The following SPTLC3 variants were observed in gnomAD, a reference collection of about 807,000 sequenced individuals.
SPTLC3 encodes serine palmitoyltransferase long chain base subunit 3.
Under a neutral mutation model 59.3 loss-of-function variants are expected in SPTLC3, and 36 were observed. The observed-to-expected ratio is 0.61, with a 90% CI of 0.47 to 0.80. The LOEUF is 0.80. SPTLC3 is among the 30% of genes least tolerant of loss of function. SPTLC3 has a pLI of 0.00. For synonymous variants in SPTLC3, 257 were observed against 240.8 expected, an observed-to-expected ratio of 1.07 and a Z score of -0.62; for missense variants, 625 against 685.1, an observed-to-expected ratio of 0.91 and a Z score of 0.98.
At chr20:13,135,253 G>A (rs1239490268) in intron 9 of SPTLC3, among the ~76,000 whole-genome samples, 3 of 152,182 alleles carry the variant, frequency 2.0e-5, no homozygotes, top group African/African-American at 4.8e-5. Context: ...GGGCAACACT[G>A]CTAGGTGTTG....
chr20:13,082,221 A>G (rs1271874444), intron 4 of SPTLC3, among the ~76,000 whole-genome samples: 1 of 152,200 alleles, frequency 6.6e-6, no homozygotes, highest in Non-Finnish European at 1.5e-5. Flanking sequence ...ATCTTCCCAC[A>G]TAAATACCAT....
At chr20:13,088,718 A>C (rs1233333374) in intron 4 of SPTLC3, among the ~76,000 whole-genome samples, 1 of 151,154 alleles carries the variant, frequency 6.6e-6, no homozygotes, top group Non-Finnish European at 1.5e-5. Context: ...TCCCAAGTTC[A>C]AGCAATTCTC....
chr20:13,147,653 T>C (rs1184422526), intron 9 of SPTLC3, among the ~76,000 whole-genome samples: 1 of 152,202 alleles, frequency 6.6e-6, no homozygotes, highest in Admixed American at 6.5e-5. Flanking sequence ...GGGTTAATTT[T>C]TCAGAAATAT....
At chr20:13,149,958 C>T (rs1366628980) in intron 9 of SPTLC3, among the ~76,000 whole-genome samples, 1 of 152,174 alleles carries the variant, frequency 6.6e-6, no homozygotes, top group Non-Finnish European at 1.5e-5. Context: ...CAAGGGGGAA[C>T]ATGTAGGAAT....
intron 1 of SPTLC3, among the ~76,000 whole-genome samples, chr20:13,046,577 G>A (rs1987242269): frequency 6.6e-6 from 1 of 152,202 alleles, no homozygotes; most frequent in African/African-American, 2.4e-5. Flanking sequence ...TCCCTGTGAT[G>A]CAGAAGGATG....
chr20:13,148,634 C>T (rs1249980346), intron 9 of SPTLC3, among the ~76,000 whole-genome samples: 1 of 152,210 alleles, frequency 6.6e-6, no homozygotes, highest in Non-Finnish European at 1.5e-5. Flanking sequence ...AGGCTGCAAT[C>T]AGATACCCAG....
At chr20:13,153,273 G>T (rs1246445284) in intron 9 of SPTLC3, among the ~76,000 whole-genome samples, 3 of 152,174 alleles carry the variant, frequency 2.0e-5, no homozygotes, top group African/African-American at 7.2e-5. Context: ...CGTGAACTCT[G>T]CACTGGGACA....
In SPTLC3 at chr20:13,072,254, A is replaced by G; in HGVS notation, c.304-2A>G. ...GATAACCTTCTACCTCTGTTCTAAC[A>G]GGATTTTGTGCCACTGTATCAAGAC... On this transcript the variant is annotated splice_acceptor_variant, in intron 2 of 11. Coordinates refer to ENST00000399002, the MANE Select transcript of SPTLC3 (RefSeq NM_018327.4). LOFTEE classifies it high-confidence loss of function. The G allele has an allele frequency of 6.2e-7, 1 of 1,610,230 alleles. No homozygotes were observed. The highest frequency in any genetic ancestry group is 1.1e-5 in the South Asian group (1 of 90,134).
chr20:13,096,973 T>C (rs1297591606), intron 6 of SPTLC3, among the ~76,000 whole-genome samples: 1 of 152,096 alleles, frequency 6.6e-6, no homozygotes, highest in Non-Finnish European at 1.5e-5. Flanking sequence ...AGGATAATTA[T>C]GATACACAAA....
chr20:13,132,476 G>A (rs1037585024), intron 9 of SPTLC3, among the ~76,000 whole-genome samples: 8 of 151,976 alleles, frequency 5.3e-5, no homozygotes, highest in South Asian at 2.1e-4. Context: ...GCACCCAGCC[G>A]CTTTAATCTT....
intron 2 of SPTLC3, chr20:13,049,677 C>T (rs564102411): frequency 6.3e-6 from 1 of 158,830 alleles, no homozygotes; most frequent in Middle Eastern, 3.2e-3. Flanking sequence ...ACCACTAAAG[C>T]TAAGGACCCT....
intron 10 of SPTLC3, 37 bp from the exon 11 acceptor site, chr20:13,159,966 A>G (rs912217789): frequency 6.7e-7 from 1 of 1,491,136 alleles, no homozygotes; most frequent in Non-Finnish European, 9.0e-7. Flanking sequence ...TTCCCAACTA[A>G]CCACTTTTTT....
At chr20:13,017,532 T>C (rs1469788006) in intron 1 of SPTLC3, among the ~76,000 whole-genome samples, 1 of 152,236 alleles carries the variant, frequency 6.6e-6, no homozygotes, top group Non-Finnish European at 1.5e-5. Flanking sequence ...TGTCGACATG[T>C]GGCCTGCAGG....
intron 10 of SPTLC3, among the ~76,000 whole-genome samples, chr20:13,156,166 T>C (rs1029763007): frequency 6.6e-6 from 1 of 152,214 alleles, no homozygotes; most frequent in Non-Finnish European, 1.5e-5. Context: ...TTATCTAATA[T>C]TTTATCATTA....
At chr20:13,040,191 G>A (rs998202831) in intron 1 of SPTLC3, among the ~76,000 whole-genome samples, 1 of 151,814 alleles carries the variant, frequency 6.6e-6, no homozygotes, top group Non-Finnish European at 1.5e-5. Context: ...TTGCCATGTT[G>A]TATAATTTCC....
At chr20:13,023,522 C>T (rs1246829204) in intron 1 of SPTLC3, among the ~76,000 whole-genome samples, 1 of 152,178 alleles carries the variant, frequency 6.6e-6, no homozygotes, top group Non-Finnish European at 1.5e-5. Flanking sequence ...TTTGCAAGAA[C>T]TCCCATTTAA....
At chr20:13,126,476 G>A in intron 8 of SPTLC3, 115 bp from the exon 9 acceptor site, 1 of 1,237,764 alleles carries the variant, frequency 8.1e-7, no homozygotes, top group Non-Finnish European at 1.1e-6. Context: ...TTCATCTTTT[G>A]AGCATGAGAT....
intron 8 of SPTLC3, among the ~76,000 whole-genome samples, chr20:13,121,764 GC>G (rs2037872748): frequency 6.6e-6 from 1 of 152,062 alleles, no homozygotes; most frequent in African/African-American, 2.4e-5. Flanking sequence ...AAACACACAA[GC>G]AAATAAACTT....
chr20:13,094,466 C>G (rs540360010), intron 6 of SPTLC3, among the ~76,000 whole-genome samples: 1 of 152,222 alleles, frequency 6.6e-6, no homozygotes, highest in South Asian at 2.1e-4. Context: ...TCCTTACCAC[C>G]TTTCTCTCCT....
Sources: allele counts gnomAD v4.1 joint callset (sites outside exome capture counted in the v4.1 genomes callset), GRCh38; gene constraint gnomAD v4.1.1; transcripts MANE v1.5; gene names NCBI Gene and HGNC (gene_info 2026-07-23, HGNC 2026-07-21).